NRG1: variants seen among roughly 807,000 people sequenced by gnomAD.
The protein encoded by NRG1 is pro-neuregulin-1, membrane-bound isoform.
A neutral mutation model predicts 63.8 loss-of-function variants in NRG1; 18 were observed. The observed-to-expected ratio is 0.28, with a 90% CI of 0.19 to 0.42. NRG1 has a LOEUF of 0.42. Among genes scored for constraint, NRG1 ranks in the 10% least tolerant of loss-of-function variants. NRG1 has a pLI of 1.00. For missense variants in NRG1, 762 were observed against 814.7 expected (o/e 0.94, Z 0.79); for synonymous variants, 302 against 301.3 (o/e 1.00, Z -0.02).
chr8:31,991,716 G>A (rs950248920), intron 1 of NRG1, among the ~76,000 whole-genome samples: 1 of 151,834 alleles, frequency 6.6e-6, no homozygotes, highest in African/African-American at 2.4e-5. Context: ...CCTGTGGATA[G>A]GTTGCCTATT....
intron 1 of NRG1, among the ~76,000 whole-genome samples, chr8:32,571,514 C>CA (rs1176251560): frequency 5.9e-5 from 9 of 152,070 alleles, no homozygotes; most frequent in Non-Finnish European, 2.9e-5. Context: ...TGTCTCTTCC[C>CA]ACCTCCCCAG....
At chr8:31,808,454 G>A (rs1822513887) in intron 1 of NRG1, among the ~76,000 whole-genome samples, 1 of 151,966 alleles carries the variant, frequency 6.6e-6, no homozygotes, top group Non-Finnish European at 1.5e-5. Context: ...CATGATATTT[G>A]TGTGTGTTTG....
chr8:31,862,459 G>C (rs773278944), intron 1 of NRG1, among the ~76,000 whole-genome samples: 2 of 151,988 alleles, frequency 1.3e-5, no homozygotes, highest in African/African-American at 4.8e-5. Context: ...TCTAACATTC[G>C]GCCATTGTTT....
intron 1 of NRG1, among the ~76,000 whole-genome samples, chr8:31,854,318 A>G (rs1444378476): frequency 6.6e-6 from 1 of 152,162 alleles, no homozygotes; most frequent in Non-Finnish European, 1.5e-5. Flanking sequence ...CAGAGATTCA[A>G]CTTCTTCCTG....
Position 32,654,070 on chromosome 8 carries a change from C to T in NRG1, c.502+37185C>T, listed in dbSNP as rs1440954601. On this transcript the variant is annotated intron_variant, in intron 5 of 11. Coordinates refer to ENST00000356819, the Ensembl canonical transcript of NRG1. ...GAACATTTTTAGAGATTATTTGTGT[C>T]ACTTCCTAAGTGAGAAAAGGCAGGT... is the stretch of plus-strand genomic sequence containing the variant. 3.3e-5 allele frequency among the ~76,000 whole-genome samples: 5 copies of T among 152,006 alleles called. No homozygotes were observed. The South Asian group carries it at 1.0e-3, about 32-fold the overall frequency.
At chr8:32,020,798 A>G (rs1237163056) in intron 1 of NRG1, among the ~76,000 whole-genome samples, 1 of 152,230 alleles carries the variant, frequency 6.6e-6, no homozygotes, top group Admixed American at 6.5e-5. Context: ...TTTGTTAGGA[A>G]AGTATAATTT....
intron 3 of NRG1, among the ~76,000 whole-genome samples, chr8:32,612,257 A>AT (rs1195105481): frequency 6.6e-6 from 1 of 152,100 alleles, no homozygotes; most frequent in Non-Finnish European, 1.5e-5. Flanking sequence ...ATTACTTTCA[A>AT]TTTACTTTTA....
chr8:32,246,224 T>C (rs574454271), intron 1 of NRG1, among the ~76,000 whole-genome samples: 6 of 152,318 alleles, frequency 3.9e-5, no homozygotes, highest in Non-Finnish European at 7.4e-5. Context: ...GTTATGAGTT[T>C]CAGTTAGTTT....
At chr8:32,465,597 C>T (rs1245631913) in intron 1 of NRG1, among the ~76,000 whole-genome samples, 2 of 151,488 alleles carry the variant, frequency 1.3e-5, no homozygotes, top group Admixed American at 1.3e-4. Flanking sequence ...ATAAAAAACA[C>T]CAGCGAGCTT....
chr8:32,753,675 C>T (rs1829152915), intron 7 of NRG1, among the ~76,000 whole-genome samples: 1 of 152,154 alleles, frequency 6.6e-6, no homozygotes, highest in South Asian at 2.1e-4. Context: ...TTCTTTGATA[C>T]AGTGCCCTGC....
intron 1 of NRG1, among the ~76,000 whole-genome samples, chr8:31,823,163 C>T (rs1040765094): frequency 3.5e-4 from 42 of 118,716 alleles, no homozygotes; most frequent in African/African-American, 1.3e-3. Flanking sequence ...CACCAAGTGA[C>T]TGATGGCTTC....
chr8:32,034,893 C>A (rs1414647549), intron 1 of NRG1, among the ~76,000 whole-genome samples: 2 of 150,766 alleles, frequency 1.3e-5, no homozygotes, highest in Non-Finnish European at 3.0e-5. Context: ...TTCAAAAAAA[C>A]AGCTCCTGGA....
intron 1 of NRG1, among the ~76,000 whole-genome samples, chr8:31,814,175 T>C (rs1301558002): frequency 2.0e-5 from 3 of 152,156 alleles, no homozygotes; most frequent in Non-Finnish European, 4.4e-5. Context: ...ATCTGTGAAC[T>C]TGTTGAAGCT....
intron 1 of NRG1, among the ~76,000 whole-genome samples, chr8:31,856,693 T>G (rs376835864): frequency 6.6e-6 from 1 of 152,192 alleles, no homozygotes; most frequent in African/African-American, 2.4e-5. Context: ...GTCGCTCTGC[T>G]TTTTAGAGTT....
chr8:32,318,406 T>A (rs1295838607), intron 1 of NRG1, among the ~76,000 whole-genome samples: 1 of 152,194 alleles, frequency 6.6e-6, no homozygotes, highest in South Asian at 2.1e-4. Flanking sequence ...ATCAAACATT[T>A]TAGAGCTGTT....
At chr8:31,671,504 T>C (rs1252588133) in intron 1 of NRG1, among the ~76,000 whole-genome samples, 2 of 152,196 alleles carry the variant, frequency 1.3e-5, no homozygotes, top group Non-Finnish European at 2.9e-5. Flanking sequence ...CAGGTTTGTT[T>C]CTAAAGGATG....
intron 1 of NRG1, among the ~76,000 whole-genome samples, chr8:32,346,890 C>T (rs960844249): frequency 1.3e-5 from 2 of 150,944 alleles, no homozygotes; most frequent in East Asian, 2.0e-4. Flanking sequence ...AGTGCAGTGG[C>T]GTGATCTCAG....
chr8:31,652,767 A>G (rs920654636), intron 1 of NRG1, among the ~76,000 whole-genome samples: 1 of 152,212 alleles, frequency 6.6e-6, no homozygotes, highest in African/African-American at 2.4e-5. Context: ...AGAAAATATG[A>G]TGACTTAGAG....
At chr8:31,750,321 A>G (rs1383819369) in intron 1 of NRG1, among the ~76,000 whole-genome samples, 1 of 151,920 alleles carries the variant, frequency 6.6e-6, no homozygotes, top group Non-Finnish European at 1.5e-5. Context: ...CCGTGCTCCA[A>G]TGGACCATTA....
Sources: gnomAD v4.1 joint callset for allele counts (sites outside exome capture counted in the v4.1 genomes callset) on GRCh38, gnomAD v4.1.1 for gene constraint, MANE v1.5 for transcripts, NCBI Gene and HGNC (gene_info 2026-07-23, HGNC 2026-07-21) for gene names.